ADARB2: variants seen among roughly 807,000 people sequenced by gnomAD.
ADARB2 encodes inactive double-stranded RNA-specific editase B2.
Under a neutral mutation model 62.2 loss-of-function variants are expected in ADARB2, and 25 were observed. The observed-to-expected ratio is 0.40, with a 90% CI of 0.29 to 0.56. The LOEUF is 0.56. Among genes scored for constraint, ADARB2 ranks in the 20% least tolerant of loss-of-function variants. ADARB2 has a pLI of 0.43. For synonymous variants in ADARB2, 572 were observed against 500.8 expected (o/e 1.14, Z -1.90); for missense variants, 1,071 against 1,077.4 (o/e 0.99, Z 0.08).
chr10:1,311,973 G>GCT, intron 3 of ADARB2, among the ~76,000 whole-genome samples: 1 of 152,208 alleles, frequency 6.6e-6, no homozygotes, highest in Non-Finnish European at 1.5e-5. Context: ...CCTGGTACCT[G>GCT]CGGACTCAGG....
intron 1 of ADARB2, among the ~76,000 whole-genome samples, chr10:1,695,360 T>C (rs1406771648): frequency 1.3e-5 from 2 of 152,162 alleles, no homozygotes; most frequent in African/African-American, 2.4e-5. Context: ...TTCTCAGCAT[T>C]AACAGGCTCA....
intron 1 of ADARB2, among the ~76,000 whole-genome samples, chr10:1,495,012 G>A (rs370283288): frequency 3.9e-5 from 6 of 151,998 alleles, no homozygotes; most frequent in African/African-American, 1.5e-4. Flanking sequence ...CCAAAACAGA[G>A]GCATAATTTA....
chr10:1,220,587 A>G (rs1489231074), intron 6 of ADARB2, among the ~76,000 whole-genome samples: 4 of 152,336 alleles, frequency 2.6e-5, no homozygotes, highest in Admixed American at 2.6e-4. Flanking sequence ...AGTTTCCACA[A>G]CATTACCACA....
chr10:1,221,327 T>A (rs936219092), intron 6 of ADARB2, among the ~76,000 whole-genome samples: 7 of 152,124 alleles, frequency 4.6e-5, no homozygotes, highest in Non-Finnish European at 8.8e-5. Context: ...TTAACCTATA[T>A]AAAACCCTAG....
intron 1 of ADARB2, among the ~76,000 whole-genome samples, chr10:1,730,702 A>G (rs545036827): frequency 3.9e-5 from 6 of 152,132 alleles, no homozygotes; most frequent in Non-Finnish European, 8.8e-5. Flanking sequence ...ATTGGACACT[A>G]TTTCTTAAGT....
At chr10:1,348,927 C>G (rs547982088) in intron 3 of ADARB2, among the ~76,000 whole-genome samples, 5 of 152,250 alleles carry the variant, frequency 3.3e-5, no homozygotes, top group African/African-American at 1.2e-4. Flanking sequence ...GCTGCGAGAA[C>G]GATGGAAAGA....
intron 1 of ADARB2, among the ~76,000 whole-genome samples, chr10:1,415,590 A>G (rs1276979745): frequency 3.9e-5 from 6 of 152,200 alleles, no homozygotes; most frequent in Non-Finnish European, 8.8e-5. Flanking sequence ...TTGTTTGAGT[A>G]TGTGTCATGA....
At chr10:1,310,094 C>G (rs542632363) in intron 3 of ADARB2, among the ~76,000 whole-genome samples, 3 of 152,222 alleles carry the variant, frequency 2.0e-5, no homozygotes, top group Non-Finnish European at 4.4e-5. Context: ...TCACCAAAGT[C>G]TCTATGATTT....
chr10:1,560,740 C>T (rs2813365), intron 1 of ADARB2, among the ~76,000 whole-genome samples: 49,495 of 151,914 alleles, frequency 0.33, 8,682 homozygotes, highest in East Asian at 0.6. Flanking sequence ...CCGAGGATGT[C>T]GGAGCAGACG....
At chr10:1,574,415 G>A (rs1156736091) in intron 1 of ADARB2, among the ~76,000 whole-genome samples, 2 of 152,312 alleles carry the variant, frequency 1.3e-5, no homozygotes, top group Non-Finnish European at 2.9e-5. Flanking sequence ...GGGAGCCAGA[G>A]GACGGGTTAG....
At chr10:1,285,103 A>G (rs1220941608) in intron 3 of ADARB2, among the ~76,000 whole-genome samples, 2 of 152,054 alleles carry the variant, frequency 1.3e-5, no homozygotes, top group Non-Finnish European at 2.9e-5. Flanking sequence ...TGAATAATCA[A>G]CAGAAAAGTC....
intron 1 of ADARB2, among the ~76,000 whole-genome samples, chr10:1,706,919 G>GGTTTCATTGGGCAGGAAGTAGA (rs1834897256): frequency 6.6e-6 from 1 of 152,154 alleles, no homozygotes. Context: ...CAGGAAGTAG[G>GGTTTCATTGGGCAGGAAGTAGA]GTTTCATTGG....
At chr10:1,343,216 C>T (rs568776798) in intron 3 of ADARB2, among the ~76,000 whole-genome samples, 333 of 152,302 alleles carry the variant, frequency 2.2e-3, no homozygotes, top group Non-Finnish European at 3.1e-3. Context: ...CATGCACAGA[C>T]ACCTCTCAAA....
intron 4 of ADARB2, among the ~76,000 whole-genome samples, chr10:1,258,207 A>T (rs1831098798): frequency 6.6e-6 from 1 of 152,174 alleles, no homozygotes; most frequent in Non-Finnish European, 1.5e-5. Flanking sequence ...TGGTTAAGGT[A>T]AATATAAGAA....
chr10:1,267,468 G>A (rs1831216164), intron 4 of ADARB2, among the ~76,000 whole-genome samples: 1 of 152,232 alleles, frequency 6.6e-6, no homozygotes, highest in Non-Finnish European at 1.5e-5. Flanking sequence ...TGGAAGAGCA[G>A]GACGCCGGGT....
intron 1 of ADARB2, among the ~76,000 whole-genome samples, chr10:1,554,805 G>C (rs1832676943): frequency 6.6e-6 from 1 of 152,110 alleles, no homozygotes; most frequent in African/African-American, 2.4e-5. Context: ...GGGGTATACT[G>C]TGTGACGCTG....
At chr10:1,455,647 T>A (rs1831087286) in intron 1 of ADARB2, among the ~76,000 whole-genome samples, 1 of 152,236 alleles carries the variant, frequency 6.6e-6, no homozygotes, top group African/African-American at 2.4e-5. Context: ...GGATTGTTAC[T>A]TTTTTAAAAA....
intron 1 of ADARB2, among the ~76,000 whole-genome samples, chr10:1,483,268 C>T (rs17156400): frequency 0.02 from 3,057 of 152,270 alleles, 267 homozygotes; most frequent in Admixed American, 0.15. Flanking sequence ...TATTTCAACA[C>T]GTTTCTGTTT....
intron 1 of ADARB2, among the ~76,000 whole-genome samples, chr10:1,642,836 T>C (rs1439041555): frequency 6.6e-6 from 1 of 151,970 alleles, no homozygotes; most frequent in Non-Finnish European, 1.5e-5. Context: ...TCACACACAC[T>C]CGCCCCTTGG....
Sources: allele counts gnomAD v4.1 joint callset (sites outside exome capture counted in the v4.1 genomes callset), GRCh38; gene constraint gnomAD v4.1.1; transcripts MANE v1.5; gene names NCBI Gene and HGNC (gene_info 2026-07-23, HGNC 2026-07-21).